Variants in RIMS1 observed in about 807,000 individuals in gnomAD.
RIMS1 encodes regulating synaptic membrane exocytosis protein 1.
A neutral mutation model predicts 214.1 loss-of-function variants in RIMS1; 83 were observed. The ratio of observed to expected loss-of-function variants is 0.39; its 90% confidence interval spans 0.32 to 0.47. The LOEUF (loss-of-function observed/expected upper bound fraction) is 0.47, where lower values mean the gene tolerates loss of function less well. RIMS1 is among the 20% of genes least tolerant of loss of function. RIMS1 has a pLI of 0.99. For synonymous variants in RIMS1, 793 were observed against 786.8 expected, an observed-to-expected ratio of 1.01 and a Z score of -0.13; for missense variants, 2,050 against 2,161.8, an observed-to-expected ratio of 0.95 and a Z score of 1.03.
intron 29 of RIMS1, among the ~76,000 whole-genome samples, chr6:72,374,687 A>G (rs2098325908): frequency 6.6e-6 from 1 of 152,182 alleles, no homozygotes; most frequent in East Asian, 1.9e-4. Flanking sequence ...TGTGGAAGAC[A>G]ATTTTTCCAT....
chr6:72,304,125 G>A (rs1282302519), intron 26 of RIMS1, among the ~76,000 whole-genome samples: 1 of 151,350 alleles, frequency 6.6e-6, no homozygotes, highest in South Asian at 2.1e-4. Flanking sequence ...AAACCACAGG[G>A]CCTCCCAGTT....
intron 1 of RIMS1, among the ~76,000 whole-genome samples, chr6:71,931,542 G>C (rs1272991401): frequency 1.3e-5 from 2 of 151,766 alleles, no homozygotes; most frequent in Non-Finnish European, 3.0e-5. Flanking sequence ...TAAGAGACAA[G>C]GTCTTTTGAA....
chr6:71,959,668 G>T (rs917065332), intron 1 of RIMS1, among the ~76,000 whole-genome samples: 1 of 150,750 alleles, frequency 6.6e-6, no homozygotes, highest in Non-Finnish European at 1.5e-5. Context: ...GTTTTACAAC[G>T]TTGCAATATG....
rs1810549883 is a variant in RIMS1, at chr6:72,011,424, G to T, written c.245+42361G>T. On this transcript the variant is annotated intron_variant, in intron 2 of 33. Transcript: ENST00000521978. ...CATTCAAGACATAGGCATGAGCAAGGACATCATGTCTAAAACACCAAAAGC... is the reference window on the plus strand; with the variant it reads ...CATTCAAGACATAGGCATGAGCAAGTACATCATGTCTAAAACACCAAAAGC... 2.0e-5 allele frequency among the ~76,000 whole-genome samples: 3 copies of T among 152,242 alleles called. No homozygotes were observed. In the South Asian group the frequency reaches 6.2e-4, roughly 32 times the overall value.
At chr6:72,314,776 A>C (rs1291307645) in intron 28 of RIMS1, among the ~76,000 whole-genome samples, 1 of 152,150 alleles carries the variant, frequency 6.6e-6, no homozygotes, top group Non-Finnish European at 1.5e-5. Flanking sequence ...ATAAGATAGA[A>C]TGTTTTTTAA....
In RIMS1 at chr6:72,333,622, G is replaced by A; in HGVS notation, c.4153G>A (p.Gly1385Ser). The change falls in exon 29 of 34, where the codon GGC (glycine) becomes AGC (serine). Residue 1385 changes from glycine to serine, a missense_variant. Transcript: ENST00000521978. Reference protein sequence around the residue: ...RISSFTPKMQGRRMGTSGRSI... With the variant: ...RISSFTPKMQSRRMGTSGRSI... ...TAGTTCATTTACCCCCAAAATGCAAGGCAGACGGATGGGGACTTCAGGAAG... is the reference window on the plus strand; with the variant it reads ...TAGTTCATTTACCCCCAAAATGCAAAGCAGACGGATGGGGACTTCAGGAAG... 1.3e-6 allele frequency: 2 copies of A among 1,592,742 alleles called. No individual in the cohort carries two copies. Among genetic ancestry groups the A allele is most frequent in the Non-Finnish European group, 1.7e-6 (2 of 1,169,094 alleles).
At chr6:72,132,948 A>G (rs1326993808) in intron 4 of RIMS1, among the ~76,000 whole-genome samples, 2 of 152,056 alleles carry the variant, frequency 1.3e-5, no homozygotes, top group East Asian at 3.9e-4. Context: ...TAAAATATCC[A>G]TATGTTTTTT....
intron 4 of RIMS1, among the ~76,000 whole-genome samples, chr6:72,163,022 T>C (rs112885876): frequency 0.069 from 8,396 of 122,358 alleles, 1,008 homozygotes; most frequent in South Asian, 0.1. Flanking sequence ...CTTTCAGGTA[T>C]ACCTATCAGA....
intron 2 of RIMS1, among the ~76,000 whole-genome samples, chr6:72,075,683 T>C (rs530306609): frequency 3.3e-5 from 5 of 152,298 alleles, no homozygotes; most frequent in African/African-American, 4.8e-5. Flanking sequence ...TCTATAATTC[T>C]CATCAGTTCA....
chr6:72,316,992 C>G (rs2095839272), intron 28 of RIMS1: 1 of 521,606 alleles, frequency 1.9e-6, no homozygotes. Flanking sequence ...CAGTGGCTCC[C>G]TGCTGGGAAG....
At chr6:71,949,657 G>A (rs542156720) in intron 1 of RIMS1, among the ~76,000 whole-genome samples, 2 of 152,230 alleles carry the variant, frequency 1.3e-5, no homozygotes, top group South Asian at 2.1e-4. Context: ...AACTCAAATG[G>A]CTATGAGTTG....
intron 26 of RIMS1, among the ~76,000 whole-genome samples, chr6:72,297,898 CTGTGAGCTGAAGTT>C (rs1304425646): frequency 6.6e-6 from 1 of 152,026 alleles, no homozygotes; most frequent in Non-Finnish European, 1.5e-5. Context: ...AATCCTACTT[CTGTGAGCTGAAGTT>C]TGTCTTTGCT....
chr6:72,162,561 G>A (rs999793029), intron 4 of RIMS1, among the ~76,000 whole-genome samples: 1 of 140,546 alleles, frequency 7.1e-6, no homozygotes, highest in Non-Finnish European at 1.6e-5. Context: ...CTTCCTTCAG[G>A]AGCTCTTGTA....
At chr6:72,050,099 T>TAC (rs1225976330) in intron 2 of RIMS1, among the ~76,000 whole-genome samples, 6 of 152,020 alleles carry the variant, frequency 3.9e-5, no homozygotes, top group African/African-American at 1.4e-4. Context: ...CCTTCACACA[T>TAC]ACACACACAC....
chr6:71,970,445 C>G (rs1420146105), intron 2 of RIMS1, among the ~76,000 whole-genome samples: 2 of 152,150 alleles, frequency 1.3e-5, no homozygotes, highest in East Asian at 1.9e-4. Context: ...TTTAAAATCT[C>G]TTTATATTCC....
chr6:72,245,897 T>A, intron 11 of RIMS1, 36 bp downstream of exon 11: 1 of 1,386,538 alleles, frequency 7.2e-7, no homozygotes, highest in Non-Finnish European at 1.0e-6. Context: ...ATAAAAGTAT[T>A]GAACTAATTG....
chr6:72,122,343 T>A lies in RIMS1; in HGVS notation c.471+22357T>A, dbSNP rs1477273701. Among the ~76,000 whole-genome samples the A allele has an allele frequency of 6.6e-5, 10 of 151,404 alleles. No homozygotes were observed. The Admixed American group carries it at 6.6e-4, about 10-fold the overall frequency. ...CCTCAGCCTTTTAAGTAGCTGGGAC[T>A]ACAGGTGCCTGCCACTGCACCTGGC... is the stretch of plus-strand genomic sequence containing the variant. On this transcript the variant is annotated intron_variant, in intron 4 of 33. Coordinates refer to ENST00000521978, the MANE Select transcript of RIMS1 (RefSeq NM_014989.7).
intron 1 of RIMS1, among the ~76,000 whole-genome samples, chr6:71,958,162 G>A (rs1211842072): frequency 1.3e-5 from 2 of 152,126 alleles, no homozygotes; most frequent in Non-Finnish European, 2.9e-5. Context: ...GATGAATAGA[G>A]TGACTTGTTT....
intron 29 of RIMS1, among the ~76,000 whole-genome samples, chr6:72,385,711 A>G (rs2098586612): frequency 6.6e-6 from 1 of 152,232 alleles, no homozygotes; most frequent in Non-Finnish European, 1.5e-5. Context: ...GACTGGACCC[A>G]GAGTAAGGGC....
Sources: gnomAD v4.1 joint callset for allele counts (sites outside exome capture counted in the v4.1 genomes callset) on GRCh38, gnomAD v4.1.1 for gene constraint, MANE v1.5 for transcripts, NCBI Gene and HGNC (gene_info 2026-07-23, HGNC 2026-07-21) for gene names.